SLC35B2: variants seen among roughly 807,000 people sequenced by gnomAD.
SLC35B2 encodes solute carrier family 35 member B2, also known as adenosine 3'-phospho 5'-phosphosulfate transporter 1.
Under a neutral mutation model 37.9 loss-of-function variants are expected in SLC35B2, and 19 were observed. That is an observed-to-expected ratio of 0.50 (90% CI 0.35 to 0.74). The LOEUF (loss-of-function observed/expected upper bound fraction) is 0.74, where lower values mean the gene tolerates loss of function less well. Among genes scored for constraint, SLC35B2 ranks in the 30% least tolerant of loss-of-function variants. SLC35B2 has a pLI of 0.01. For synonymous variants in SLC35B2, 277 were observed against 225.2 expected, an observed-to-expected ratio of 1.23 and a Z score of -2.06; for missense variants, 633 against 547.6, an observed-to-expected ratio of 1.16 and a Z score of -1.56.
chr6:44,256,221 GGGA>G, intron 3 of SLC35B2, 118 bp downstream of exon 3: 2 of 1,299,522 alleles, frequency 1.5e-6, no homozygotes, highest in Non-Finnish European at 2.1e-6. Flanking sequence ...GTGTGCCCCT[GGGA>G]GGAGGACACG....
chr6:44,257,079 C>T (rs1781613836), intron 1 of SLC35B2: 2 of 650,542 alleles, frequency 3.1e-6, no homozygotes, highest in Non-Finnish European at 5.0e-6. Context: ...TTCCTCCCTC[C>T]CCGGGGGCGG....
At position 44,256,742 on chromosome 6, in the gene SLC35B2, T is replaced by G. The variant is rs1461197778; in HGVS notation, c.148A>C (p.Met50Leu). ...TGCACCAGGAGGTAGCCAGGTACCA[T>G]AAAGCTGGCATAGCCAGCAGCATTC... ...VVNAAGYASF[M>L]VPGYLLVQYF... Residue 50 changes from methionine (M) to leucine (L), a missense_variant, in exon 2 of 4, where the codon ATG becomes CTG. By Grantham distance (15) the Met-to-Leu change is conservative. Transcript: ENST00000393812. 4 of 1,614,016 alleles carry G rather than the reference T, an allele frequency of 2.5e-6. No homozygotes were observed. Among genetic ancestry groups the G allele is most frequent in the Non-Finnish European group, 3.4e-6 (4 of 1,180,022 alleles).
chr6:44,254,108 C>A lies in SLC35B2; in HGVS notation c.*598G>T. The A allele has an allele frequency of 4.6e-6, 1 of 216,640 alleles. No individual in the cohort carries two copies. Among genetic ancestry groups the A allele is most frequent in the Non-Finnish European group, 9.4e-6 (1 of 105,898 alleles). The allele number at this position is 216,640 out of a possible 1,614,324, so 13.4% of individuals were successfully genotyped here. ...CCAAAACACAGGACCAAGTCCACTGCAGTAATTTAATTTAATAAAATAAAA... is the reference window on the plus strand; with the variant it reads ...CCAAAACACAGGACCAAGTCCACTGAAGTAATTTAATTTAATAAAATAAAA... On this transcript the variant is annotated 3_prime_UTR_variant, in exon 4 of 4. Coordinates refer to ENST00000393812, the MANE Select transcript of SLC35B2 (RefSeq NM_178148.4).
intron 3 of SLC35B2, 55 bp from the exon 4 acceptor site, chr6:44,255,699 A>G: frequency 6.7e-7 from 1 of 1,494,556 alleles, no homozygotes; most frequent in East Asian, 2.3e-5. Flanking sequence ...GAAAAGGTAG[A>G]CAAAAATTGA....
rs1781323892 is a variant in SLC35B2 at position 44,255,493 on chromosome 6, CAGGAG to C, written c.507_511del (p.Ser170CysfsTer25). On this transcript the variant is annotated frameshift_variant, in exon 4 of 4. Transcript: ENST00000393812. LOFTEE classifies it high-confidence loss of function. ...ATGCCGGGGCTGCTTGCAGAGAACA[CAGGAG>C]AGGCCAGCCACAATCAGTGCCAGCA... The C allele has an allele frequency of 6.2e-7, 1 of 1,614,076 alleles. No individual in the cohort carries two copies. Among genetic ancestry groups the C allele is most frequent in the Non-Finnish European group, 8.5e-7 (1 of 1,180,034 alleles).
chr6:44,254,750 C>G lies in SLC35B2; in HGVS notation c.1255G>C (p.Gly419Arg), dbSNP rs1781188073. 2.5e-6 allele frequency: 4 copies of G among 1,613,826 alleles called. No homozygotes were observed. Among genetic ancestry groups the G allele is most frequent in the Admixed American group, 1.7e-5 (1 of 60,000 alleles). The change falls in exon 4 of 4, where the codon GGA becomes CGA. Residue 419 changes from glycine (G) to arginine (R), a missense_variant. Gly to Arg is a moderately radical substitution (Grantham distance 125). Transcript: ENST00000393812. ...VYARGRLKQR[G>R]KKAVPVESPV... ...GACTCAACAGGCACAGCCTTCTTTC[C>G]CCGTTGCTTTAGACGGCCCCGCGCG...
Position 44,254,717 on chromosome 6 carries a change from G to A in SLC35B2, c.1288C>T (p.Gln430Ter). Residue 430 changes from glutamine (Q) to a stop codon, truncating the protein, a stop_gained, in exon 4 of 4, where the codon CAG becomes TAG. Coordinates refer to ENST00000393812, the MANE Select transcript of SLC35B2 (RefSeq NM_178148.4). LOFTEE classifies it high-confidence loss of function. ...KKAVPVESPVQKV is the reference protein window; with the variant it reads ...KKAVPVESPV Reference sequence around the variant, plus strand: ...GGCCCTTTCCACCCTCAAACCTTCTGCACAGGAGACTCAACAGGCACAGCC... The same window carrying A: ...GGCCCTTTCCACCCTCAAACCTTCTACACAGGAGACTCAACAGGCACAGCC... The A allele has an allele frequency of 6.2e-7, 1 of 1,611,526 alleles. No individual in the cohort carries two copies. The highest frequency in any genetic ancestry group is 8.5e-7 in the Non-Finnish European group (1 of 1,178,122).
Position 44,254,757 on chromosome 6 carries a change from C to A in SLC35B2, c.1248G>T (p.Lys416Asn). Residue 416 changes from lysine (K) to asparagine (N), a missense_variant, in exon 4 of 4, where the codon AAG becomes AAT. Lys to Asn is a moderately conservative substitution (Grantham distance 94). Coordinates refer to ENST00000393812, the MANE Select transcript of SLC35B2 (RefSeq NM_178148.4). ...CAGGCACAGCCTTCTTTCCCCGTTGCTTTAGACGGCCCCGCGCGTAGACTC... is the reference window on the plus strand; with the variant it reads ...CAGGCACAGCCTTCTTTCCCCGTTGATTTAGACGGCCCCGCGCGTAGACTC... ...LLRVYARGRL[K>N]QRGKKAVPVE... 1 of 1,614,130 alleles carries A rather than the reference C, an allele frequency of 6.2e-7. No individual in the cohort carries two copies. Among genetic ancestry groups the A allele is most frequent in the African/African-American group, 1.3e-5 (1 of 75,022 alleles).
Position 44,254,374 on chromosome 6 carries a change from T to C in SLC35B2, c.*332A>G, listed in dbSNP as rs746846247. ...TGCAGAGGGGAGTGAGTCTGGAAGG[T>C]GGCAGAGCACAGCTAGGGCAAGACT... On this transcript the variant is annotated 3_prime_UTR_variant, in exon 4 of 4. Coordinates refer to ENST00000393812, the MANE Select transcript of SLC35B2 (RefSeq NM_178148.4). 2 of 283,184 alleles carry C rather than the reference T, an allele frequency of 7.1e-6. No homozygotes were observed. Among genetic ancestry groups the C allele is most frequent in the Admixed American group, 4.8e-5 (1 of 20,804 alleles). 17.5% of individuals were successfully genotyped at this position (283,184 alleles called of 1,614,324 possible).
chr6:44,254,885 G>A lies in SLC35B2; in HGVS notation c.1120C>T (p.Arg374Cys), dbSNP rs1029591429. Residue 374 changes from arginine (R) to cysteine (C), a missense_variant, in exon 4 of 4, where the codon CGC becomes TGC. Coordinates refer to ENST00000393812, the MANE Select transcript of SLC35B2 (RefSeq NM_178148.4). The stretch of plus-strand genomic sequence containing the variant: ...GAAAGAAGGATGGCAAAGGCCTGGC[G>A]GAGGGTCATGATGATGGTGAAGACG... Reference protein sequence around the residue: ...AAVFTIIMTLRQAFAILLSCL... With the variant: ...AAVFTIIMTLCQAFAILLSCL... The A allele has an allele frequency of 5.0e-6, 8 of 1,614,102 alleles. No homozygotes were observed. Among genetic ancestry groups the A allele is most frequent in the African/African-American group, 1.3e-5 (1 of 74,916 alleles).
Position 44,257,485 on chromosome 6 carries a change from C to T in SLC35B2, c.-75G>A. The T allele has an allele frequency of 4.1e-6, 5 of 1,225,360 alleles. No individual in the cohort carries two copies. The highest frequency in any genetic ancestry group is 4.1e-6 in the Non-Finnish European group (4 of 974,036). The allele number at this position is 1,225,360 out of a possible 1,614,324, so 75.9% of individuals were successfully genotyped here. On this transcript the variant is annotated 5_prime_UTR_variant, in exon 1 of 4. Transcript: ENST00000393812. ...GGCCGCGCGCCCCCTGCGCTCCCGC[C>T]GCCGCCTCCAGGAGCGGCCAGCGAG...
In SLC35B2 at chr6:44,254,417, A is replaced by C; in HGVS notation, c.*289T>G. The C allele has an allele frequency of 3.4e-6, 1 of 294,382 alleles. No homozygotes were observed. The highest frequency in any genetic ancestry group is 5.8e-6 in the Non-Finnish European group (1 of 171,454). The allele number at this position is 294,382 out of a possible 1,614,324, so 18.2% of individuals were successfully genotyped here. A position where few individuals can be genotyped will look rare whatever the true frequency, so the allele number is the denominator to read the frequency against. ...GCAAGACTTAAGGGAACTTGTGGGA[A>C]GAGTAACTGGAACCTACCTATGCTC... On this transcript the variant is annotated 3_prime_UTR_variant, in exon 4 of 4. Transcript: ENST00000393812.
chr6:44,257,603 C>T, upstream of SLC35B2: 1 of 324,376 alleles, frequency 3.1e-6, no homozygotes, highest in African/African-American at 2.2e-5. Flanking sequence ...CGGGCCGCCG[C>T]CGGACCACAG....
upstream of SLC35B2, chr6:44,257,674 G>A (rs1781717626): frequency 5.8e-6 from 1 of 173,144 alleles, no homozygotes. Flanking sequence ...GCTGCCCCTG[G>A]GCGCGGGGAG....
chr6:44,255,771 TCTGTAGA>T (rs1781372028), intron 3 of SLC35B2, 127 bp from the exon 4 acceptor site: 1 of 914,388 alleles, frequency 1.1e-6, no homozygotes, highest in African/African-American at 1.7e-5. Context: ...TTTTGGTTCC[TCTGTAGA>T]AGTTTCTTCT....
At position 44,254,879 on chromosome 6, in the gene SLC35B2, C is replaced by CCTGG; in HGVS notation, c.1122_1125dup (p.Ala376ProfsTer52). ...AGGCAGGAAAGAAGGATGGCAAAGG[C>CCTGG]CTGGCGGAGGGTCATGATGATGGTG... is the stretch of plus-strand genomic sequence containing the variant. On this transcript the variant is annotated frameshift_variant, in exon 4 of 4. Transcript: ENST00000393812. LOFTEE classifies it high-confidence loss of function. The CCTGG allele has an allele frequency of 6.2e-7, 1 of 1,614,160 alleles. No individual in the cohort carries two copies. Among genetic ancestry groups the CCTGG allele is most frequent in the Non-Finnish European group, 8.5e-7 (1 of 1,180,026 alleles).
intron 1 of SLC35B2, 110 bp downstream of exon 1, chr6:44,257,287 ATGC>A: frequency 8.4e-7 from 1 of 1,183,792 alleles, no homozygotes; most frequent in Non-Finnish European, 1.1e-6. Context: ...GGGCAGCGAT[ATGC>A]TGGCCGACGG....
chr6:44,255,596 T>C lies in SLC35B2; in HGVS notation c.409A>G (p.Ser137Gly). Residue 137 changes from serine to glycine, a missense_variant, in exon 4 of 4, where the codon AGC becomes GGC. Ser to Gly is a moderately conservative substitution (Grantham distance 56, BLOSUM62 0). Transcript: ENST00000393812. ...GGTGATGTGGCTGTGGCCCCATAGC[T>C]GCGGGTCATCACTCTTTCCTGCAGC... is the stretch of plus-strand genomic sequence containing the variant. Reference protein sequence around the residue: ...GVLQERVMTRSYGATATSPGE... With the variant: ...GVLQERVMTRGYGATATSPGE... 6.2e-7 allele frequency: 1 copy of C among 1,614,052 alleles called. No individual in the cohort carries two copies. Among genetic ancestry groups the C allele is most frequent in the Non-Finnish European group, 8.5e-7 (1 of 1,180,020 alleles).
At chr6:44,256,243 C>G in intron 3 of SLC35B2, 99 bp downstream of exon 3, 1 of 1,473,700 alleles carries the variant, frequency 6.8e-7, no homozygotes, top group Admixed American at 2.2e-5. Flanking sequence ...CGAAACACAC[C>G]AGCCAGCAAA....
Sources: allele counts gnomAD v4.1 joint callset, GRCh38; gene constraint gnomAD v4.1.1; transcripts MANE v1.5; gene names NCBI Gene and HGNC (gene_info 2026-07-23, HGNC 2026-07-21).